The following PCDH11X variants were observed in gnomAD, a reference collection of about 807,000 sequenced individuals.
PCDH11X encodes protocadherin-11 X-linked.
In PCDH11X, 18 loss-of-function variants were observed where a neutral mutation model predicts 53.3. The ratio of observed to expected loss-of-function variants is 0.34; its 90% CI spans 0.23 to 0.50. PCDH11X has a LOEUF of 0.50. Ranked by LOEUF, PCDH11X falls within the 20% of genes least tolerant of loss-of-function variation. The probability of loss-of-function intolerance (pLI) is 0.98; values close to 1 mark genes in which losing one functional copy is unlikely to be tolerated. For synonymous variants in PCDH11X, 279 were observed against 393.3 expected, an observed-to-expected ratio of 0.71 and a Z score of 3.44; for missense variants, 570 against 1,032.4, an observed-to-expected ratio of 0.55 and a Z score of 6.14.
rs1343960858 is a variant in PCDH11X, at chrX:92,619,797, T to C, written c.*857T>C. On this transcript the variant is annotated 3_prime_UTR_variant, in exon 11 of 11. Transcript: ENST00000682573. ...GTCCATTATTACTTGGGTCTTTACTTCTGGGAATTTGTATGTAACAGCCTA... is the reference window on the plus strand; with the variant it reads ...GTCCATTATTACTTGGGTCTTTACTCCTGGGAATTTGTATGTAACAGCCTA... 9.1e-6 allele frequency: 1 copy of C among 109,938 alleles called. No homozygotes were observed. The highest frequency in any genetic ancestry group is 3.3e-5 in the African/African-American group (1 of 30,127). The allele number at this position is 109,938 out of a possible 1,213,427, so 9.1% of individuals were successfully genotyped here. A position where few individuals can be genotyped will look rare whatever the true frequency, so the allele number is the denominator to read the frequency against.
In PCDH11X at chrX:92,545,570, T is replaced by A. The variant is rs1362215408; in HGVS notation, c.3368-72694T>A. Among the ~76,000 whole-genome samples, 9 of 108,813 alleles carry A rather than the reference T, an allele frequency of 8.3e-5. No individual in the cohort carries two copies. In the Admixed American group the frequency reaches 8.9e-4, roughly 11 times the overall value. 94.5% of individuals were successfully genotyped at this position (108,813 alleles called of 115,157 possible). The stretch of plus-strand genomic sequence containing the variant: ...TTGCCCGCCATCATGCCGGGCTAAT[T>A]TTTGTATTTCTGTAGGGACAGGGTT... On this transcript the variant is annotated intron_variant, in intron 10 of 10. Coordinates refer to ENST00000682573, the MANE Select transcript of PCDH11X (RefSeq NM_032968.5).
chrX:92,483,867 C>A (rs1481173720), intron 10 of PCDH11X, among the ~76,000 whole-genome samples: 1 of 109,352 alleles, frequency 9.1e-6, no homozygotes, highest in Non-Finnish European at 1.9e-5. Flanking sequence ...AAATATGTTT[C>A]ATTGTGAAAG....
chrX:92,497,448 C>T (rs764951010), intron 10 of PCDH11X, among the ~76,000 whole-genome samples: 6 of 109,767 alleles, frequency 5.5e-5, no homozygotes, highest in African/African-American at 2.0e-4. Context: ...CCCCACTAGA[C>T]TGGAAGCTTC....
At position 92,393,925 on chromosome X, in the gene PCDH11X, G is replaced by A. The variant is rs2754906; in HGVS notation, c.3343+5992G>A. On this transcript the variant is annotated intron_variant, in intron 9 of 10. Transcript: ENST00000682573. ...TATTAATTTTACCATTTAAACTGAC[G>A]TGCTTTTCAAAAGTAAATCTTTCTC... 4.9e-3 allele frequency among the ~76,000 whole-genome samples: 547 copies of A among 110,722 alleles called. 11 individuals carry two copies. Among genetic ancestry groups the A allele is most frequent in the African/African-American group, 0.017 (522 of 30,224 alleles).
chrX:92,618,126 C>T, intron 10 of PCDH11X, 138 bp from the exon 11 acceptor site: 2 of 809,934 alleles, frequency 2.5e-6, no homozygotes, highest in Non-Finnish European at 3.4e-6. Context: ...ATTAAAAATA[C>T]CAACTCTATA....
chrX:92,546,411 C>T lies in PCDH11X; in HGVS notation c.3368-71853C>T, dbSNP rs762944589. ...ATCTTCCATCGACATACATGAAAGA[C>T]GAGTCTTAGAAAATTCTTATCTCTC... is the stretch of plus-strand genomic sequence containing the variant. On this transcript the variant is annotated intron_variant, in intron 10 of 10. Transcript: ENST00000682573. Among the ~76,000 whole-genome samples the T allele has an allele frequency of 4.1e-4, 46 of 111,407 alleles. No homozygotes were observed. In the East Asian group the frequency reaches 9.9e-3, roughly 24 times the overall value.
intron 10 of PCDH11X, among the ~76,000 whole-genome samples, chrX:92,552,557 T>C (rs773486484): frequency 9.3e-6 from 1 of 107,767 alleles, no homozygotes; most frequent in South Asian, 4.2e-4. Context: ...TTCTAGCTAG[T>C]TCTTGCTACT....
intron 6 of PCDH11X, among the ~76,000 whole-genome samples, chrX:92,009,670 G>T (rs1291185973): frequency 3.8e-5 from 4 of 105,118 alleles, no homozygotes; most frequent in African/African-American, 1.4e-4. Context: ...ATGAAACCCA[G>T]GCCCCTTGAT....
At chrX:92,591,110 A>G (rs1339991211) in intron 10 of PCDH11X, among the ~76,000 whole-genome samples, 1 of 111,797 alleles carries the variant, frequency 8.9e-6, no homozygotes, top group Non-Finnish European at 1.9e-5. Flanking sequence ...GGTTCCCCCA[A>G]TGAGGTTTCC....
intron 9 of PCDH11X, among the ~76,000 whole-genome samples, chrX:92,410,073 T>C (rs1032611554): frequency 9.0e-6 from 1 of 111,425 alleles, no homozygotes; most frequent in Non-Finnish European, 1.9e-5. Context: ...AGAATGTGTC[T>C]CTGTGGGAAT....
rs3795211 is a variant in PCDH11X, at chrX:91,834,882, C to A, written c.-44-579C>A. ...GTTTAGGCATTAGTCACATCAACCC[C>A]TCTCCTCTCCCAAACTTCTCTTCTT... On this transcript the variant is annotated intron_variant, in intron 4 of 10. Coordinates refer to ENST00000682573, the MANE Select transcript of PCDH11X (RefSeq NM_032968.5). The A allele has an allele frequency of 1.0e-5, 5 of 478,185 alleles. No homozygotes were observed. In the East Asian group the frequency reaches 7.7e-4, roughly 73 times the overall value. The allele number at this position is 478,185 out of a possible 1,213,427, so 39.4% of individuals were successfully genotyped here. A position where few individuals can be genotyped will look rare whatever the true frequency, so the allele number is the denominator to read the frequency against.
intron 10 of PCDH11X, among the ~76,000 whole-genome samples, chrX:92,493,861 G>A (rs1160673297): frequency 9.3e-6 from 1 of 107,395 alleles, no homozygotes; most frequent in African/African-American, 3.4e-5. Context: ...TGCCCAGGCT[G>A]GTCTCAAACT....
intron 6 of PCDH11X, among the ~76,000 whole-genome samples, chrX:92,151,456 T>C (rs1359900408): frequency 9.0e-6 from 1 of 111,626 alleles, no homozygotes; most frequent in Non-Finnish European, 1.9e-5. Context: ...CCTCCCAAAG[T>C]GCTGGGATTA....
At chrX:92,603,352 T>C (rs1465605087) in intron 10 of PCDH11X, among the ~76,000 whole-genome samples, 2 of 108,283 alleles carry the variant, frequency 1.8e-5, no homozygotes, top group Non-Finnish European at 3.8e-5. Flanking sequence ...AAAAAAGAAA[T>C]AAAGAACAAT....
chrX:91,991,918 T>A (rs964453582), intron 6 of PCDH11X, among the ~76,000 whole-genome samples: 5 of 109,124 alleles, frequency 4.6e-5, no homozygotes, highest in Non-Finnish European at 7.6e-5. Flanking sequence ...TTTTTGAAAT[T>A]AATTTTTTCT....
chrX:92,438,253 G>C (rs1369982346), intron 9 of PCDH11X, among the ~76,000 whole-genome samples: 1 of 111,579 alleles, frequency 9.0e-6, no homozygotes, highest in Non-Finnish European at 1.9e-5. Flanking sequence ...CATGTATATT[G>C]CATAAGCACG....
chrX:92,215,916 G>A (rs2066698952), intron 7 of PCDH11X, among the ~76,000 whole-genome samples: 1 of 110,421 alleles, frequency 9.1e-6, no homozygotes, highest in African/African-American at 3.3e-5. Flanking sequence ...TGGTTCTGCA[G>A]CCACCGCTGC....
intron 10 of PCDH11X, among the ~76,000 whole-genome samples, chrX:92,479,781 A>AT (rs759883767): frequency 3.2e-3 from 324 of 100,719 alleles, no homozygotes; most frequent in Middle Eastern, 5.2e-3. Flanking sequence ...GTTGCCTTTA[A>AT]TTTTTTTTTT....
intron 6 of PCDH11X, among the ~76,000 whole-genome samples, chrX:91,966,806 T>C (rs2061870621): frequency 9.0e-6 from 1 of 110,986 alleles, no homozygotes; most frequent in South Asian, 3.9e-4. Context: ...TTAATTTTAT[T>C]TTATTATTTT....
Sources: gnomAD v4.1 joint callset for allele counts (sites outside exome capture counted in the v4.1 genomes callset) on GRCh38, gnomAD v4.1.1 for gene constraint, MANE v1.5 for transcripts, NCBI Gene and HGNC (gene_info 2026-07-23, HGNC 2026-07-21) for gene names.